The following TMEM150C variants were observed in gnomAD, a reference collection of about 807,000 sequenced individuals.
The protein encoded by TMEM150C is tentonin 3.
TMEM150C carries 10 observed loss-of-function variants against 29.9 expected under a neutral mutation model. That is an observed-to-expected ratio of 0.33 (90% CI 0.21 to 0.57). TMEM150C has a LOEUF of 0.57. TMEM150C is among the 20% of genes least tolerant of loss of function. The pLI is 0.88. For synonymous variants in TMEM150C, 101 were observed against 112.5 expected (o/e 0.90, Z 0.64); for missense variants, 251 against 303.6 (o/e 0.83, Z 1.29).
chr4:82,556,059 C>T (rs1725725151), intron 1 of TMEM150C, among the ~76,000 whole-genome samples: 1 of 151,392 alleles, frequency 6.6e-6, no homozygotes, highest in African/African-American at 2.4e-5. Flanking sequence ...GGATTTGAAC[C>T]TAGGGGTCCG....
intron 2 of TMEM150C, among the ~76,000 whole-genome samples, chr4:82,503,815 A>C (rs1723813361): frequency 6.6e-6 from 1 of 152,136 alleles, no homozygotes; most frequent in South Asian, 2.1e-4. Context: ...ATGCCACTGC[A>C]CTTCAGCCTG....
intron 1 of TMEM150C, among the ~76,000 whole-genome samples, chr4:82,528,964 G>A (rs754634470): frequency 1.3e-5 from 2 of 152,110 alleles, no homozygotes; most frequent in Non-Finnish European, 2.9e-5. Flanking sequence ...AGGGTCTCAA[G>A]TTCAGGTAAG....
At position 82,490,087 on chromosome 4, in the gene TMEM150C, G is replaced by A; in HGVS notation, c.515C>T (p.Ala172Val). The A allele has an allele frequency of 6.2e-7, 1 of 1,613,972 alleles. No homozygotes were observed. Among genetic ancestry groups the A allele is most frequent in the Non-Finnish European group, 8.5e-7 (1 of 1,179,854 alleles). ...GAGGACCACACAGAGAGTGATAGAT[G>A]CCGACAGAATAACCCGTGGAATTCC... ...RVGIPRVILS[A>V]SITLCVVLYF... The change falls in exon 7 of 8, where the codon GCA (alanine) becomes GTA (valine). Residue 172 changes from alanine to valine, a missense_variant. Physicochemically the swap from Ala to Val is moderately conservative, Grantham distance 64. Transcript: ENST00000449862.
At chr4:82,523,461 G>A (rs1399683469) in intron 1 of TMEM150C, among the ~76,000 whole-genome samples, 1 of 152,176 alleles carries the variant, frequency 6.6e-6, no homozygotes, top group Non-Finnish European at 1.5e-5. Context: ...GGGGATATGT[G>A]GGGGTGGCCA....
intron 1 of TMEM150C, 39 bp downstream of exon 1, chr4:82,561,867 C>T (rs927358648): frequency 6.1e-6 from 6 of 983,372 alleles, no homozygotes; most frequent in Non-Finnish European, 7.2e-6. Context: ...CCCCTGGCTG[C>T]GCGACGGGCC....
rs553781801 is a variant in TMEM150C at position 82,510,818 on chromosome 4, C to T, written c.-10-6151G>A. 9.9e-5 allele frequency among the ~76,000 whole-genome samples: 15 copies of T among 152,270 alleles called. No homozygotes were observed. In the East Asian group the frequency reaches 2.5e-3, roughly 25 times the overall value. On this transcript the variant is annotated intron_variant, in intron 1 of 7. Coordinates refer to ENST00000449862, the MANE Select transcript of TMEM150C (RefSeq NM_001080506.3). Reference sequence around the variant, plus strand: ...TGAACGAGTCGCCCACTCATGACCACGACTGTCACAGTGCCCATGAACCAA... The same window carrying T: ...TGAACGAGTCGCCCACTCATGACCATGACTGTCACAGTGCCCATGAACCAA...
intron 1 of TMEM150C, 125 bp from the exon 2 acceptor site, chr4:82,504,792 AGGCCGAGGTG>A (rs767185106): frequency 3.2e-5 from 20 of 624,584 alleles, no homozygotes; most frequent in Non-Finnish European, 5.3e-5. Flanking sequence ...GCACTTTGGG[AGGCCGAGGTG>A]GGCGGATCAC....
intron 1 of TMEM150C, among the ~76,000 whole-genome samples, chr4:82,547,009 C>G (rs1056584638): frequency 1.3e-5 from 2 of 151,932 alleles, no homozygotes; most frequent in South Asian, 4.1e-4. Flanking sequence ...TGACTTAGTT[C>G]TCAAAAGCAA....
intron 1 of TMEM150C, among the ~76,000 whole-genome samples, chr4:82,517,662 G>A (rs533872353): frequency 6.6e-6 from 1 of 152,252 alleles, no homozygotes; most frequent in East Asian, 1.9e-4. Context: ...TTCAGCTTCG[G>A]ACTGAGAGTT....
chr4:82,516,151 G>A (rs1360505875), intron 1 of TMEM150C, among the ~76,000 whole-genome samples: 1 of 152,112 alleles, frequency 6.6e-6, no homozygotes, highest in African/African-American at 2.4e-5. Flanking sequence ...AAGAGATGGG[G>A]ACCCGAGAAG....
At chr4:82,552,614 G>A (rs771138667) in intron 1 of TMEM150C, among the ~76,000 whole-genome samples, 26 of 152,268 alleles carry the variant, frequency 1.7e-4, no homozygotes, top group Non-Finnish European at 3.2e-4. Flanking sequence ...AGCCAGTAGA[G>A]CACAATGAAA....
intron 6 of TMEM150C, among the ~76,000 whole-genome samples, chr4:82,493,455 C>G (rs900717081): frequency 1.2e-4 from 18 of 152,156 alleles, no homozygotes; most frequent in Non-Finnish European, 2.1e-4. Context: ...GTCCCATATA[C>G]TAGCCACCTG....
intron 1 of TMEM150C, among the ~76,000 whole-genome samples, chr4:82,511,859 G>C (rs1254032602): frequency 6.6e-6 from 1 of 152,184 alleles, no homozygotes; most frequent in African/African-American, 2.4e-5. Flanking sequence ...TCTATGCCAA[G>C]ATCCTCTTCA....
At chr4:82,504,514 A>G in intron 2 of TMEM150C, 64 bp downstream of exon 2, 2 of 1,413,710 alleles carry the variant, frequency 1.4e-6, no homozygotes, top group Non-Finnish European at 2.0e-6. Flanking sequence ...ATATACTATT[A>G]AGGTTTACAT....
At position 82,496,140 on chromosome 4, in the gene TMEM150C, C is replaced by T. The variant is rs778294608; in HGVS notation, c.291G>A (p.Pro97=). 1.9e-6 allele frequency: 3 copies of T among 1,613,940 alleles called. No individual in the cohort carries two copies. Among genetic ancestry groups the T allele is most frequent in the African/African-American group, 1.3e-5 (1 of 75,038 alleles). Residue 97 remains proline (P), a synonymous_variant, in exon 6 of 8, where the codon CCG becomes CCA. Transcript: ENST00000449862. The stretch of plus-strand genomic sequence containing the variant: ...CCACCAATCCACTAATATTCAGCCA[C>T]GGGTTTAAAACCTTCGGTTTCAGTT... ...FIQLKPKVLN[P]WLNISGLVAL... is the part of the protein sequence containing the mutation.
At chr4:82,495,861 G>T in intron 6 of TMEM150C, 1 of 606,434 alleles carries the variant, frequency 1.6e-6, no homozygotes. Flanking sequence ...GTTTCTGGCA[G>T]CCAATGGCTA....
intron 7 of TMEM150C, among the ~76,000 whole-genome samples, chr4:82,488,931 T>C (rs1368189465): frequency 6.6e-6 from 1 of 152,060 alleles, no homozygotes; most frequent in Non-Finnish European, 1.5e-5. Context: ...ATTATTTATT[T>C]ATTTATTGTT....
intron 6 of TMEM150C, 26 bp from the exon 7 acceptor site, chr4:82,490,264 A>G (rs1047335661): frequency 5.6e-6 from 9 of 1,606,060 alleles, no homozygotes; most frequent in Non-Finnish European, 7.7e-6. Context: ...ATAATGACAC[A>G]TGAAGGCCCA....
At chr4:82,491,179 T>G (rs1723333166) in intron 6 of TMEM150C, 1 of 698,064 alleles carries the variant, frequency 1.4e-6, no homozygotes, top group Non-Finnish European at 2.6e-6. Flanking sequence ...GCCTTTTTGT[T>G]TTCCACCAAG....
Sources: allele counts gnomAD v4.1 joint callset (sites outside exome capture counted in the v4.1 genomes callset), GRCh38; gene constraint gnomAD v4.1.1; transcripts MANE v1.5; gene names NCBI Gene and HGNC (gene_info 2026-07-23, HGNC 2026-07-21).